Variants in GPC5 observed in about 807,000 individuals in gnomAD.
The protein encoded by GPC5 is glypican 5, also known as glypican-5.
In GPC5, 47 loss-of-function variants were observed where a neutral mutation model predicts 53.9. That is an observed-to-expected ratio of 0.87 (90% CI 0.69 to 1.11). The LOEUF is 1.11. Among genes scored for constraint, GPC5 ranks in the 50% most tolerant of loss-of-function variants. GPC5 has a pLI of 0.00. For synonymous variants in GPC5, 286 were observed against 263.3 expected (o/e 1.09, Z -0.84); for missense variants, 748 against 713.1 (o/e 1.05, Z -0.56).
chr13:92,622,774 C>T (rs1044374501), intron 7 of GPC5, among the ~76,000 whole-genome samples: 6 of 152,086 alleles, frequency 3.9e-5, no homozygotes, highest in African/African-American at 9.7e-5. Flanking sequence ...TTTAAAAAAT[C>T]ATCATCAGTG....
chr13:91,673,937 T>C (rs1489904377), intron 2 of GPC5, among the ~76,000 whole-genome samples: 8 of 152,200 alleles, frequency 5.3e-5, no homozygotes, highest in Non-Finnish European at 1.0e-4. Flanking sequence ...TTTCCATTAT[T>C]GCATTGACTT....
At chr13:92,397,103 C>T (rs1875317556) in intron 7 of GPC5, among the ~76,000 whole-genome samples, 1 of 152,198 alleles carries the variant, frequency 6.6e-6, no homozygotes, top group Non-Finnish European at 1.5e-5. Flanking sequence ...AGGAGTTTCT[C>T]ACTGTTAACA....
intron 6 of GPC5, among the ~76,000 whole-genome samples, chr13:91,992,614 T>A (rs2040467272): frequency 6.6e-6 from 1 of 152,096 alleles, no homozygotes; most frequent in African/African-American, 2.4e-5. Context: ...TCAGCCACCA[T>A]GCCTGGCTAA....
intron 2 of GPC5, among the ~76,000 whole-genome samples, chr13:91,538,041 TATAAAC>T (rs1886668636): frequency 6.6e-6 from 1 of 152,234 alleles, no homozygotes; most frequent in Non-Finnish European, 1.5e-5. Context: ...AATATTCAGT[TATAAAC>T]AGAAATGAAA....
intron 2 of GPC5, among the ~76,000 whole-genome samples, chr13:91,621,826 G>T (rs1169018447): frequency 7.1e-6 from 1 of 141,570 alleles, no homozygotes; most frequent in Non-Finnish European, 1.5e-5. Context: ...TGACTGACAC[G>T]ATCTCAGGGT....
chr13:92,438,382 AAATATATAT>A (rs1877406729), intron 7 of GPC5, among the ~76,000 whole-genome samples: 2 of 18,086 alleles, frequency 1.1e-4, no homozygotes, highest in East Asian at 5.5e-3. Flanking sequence ...AAAGCAAAAT[AAATATATAT>A]ATATATATAT....
At chr13:91,478,379 T>A (rs938704782) in intron 2 of GPC5, among the ~76,000 whole-genome samples, 6 of 152,090 alleles carry the variant, frequency 3.9e-5, no homozygotes, top group Admixed American at 3.9e-4. Context: ...TTTCTTTGAG[T>A]TTCTCATCTT....
intron 7 of GPC5, among the ~76,000 whole-genome samples, chr13:92,394,480 C>G (rs902605994): frequency 5.9e-5 from 9 of 152,178 alleles, no homozygotes; most frequent in Non-Finnish European, 8.8e-5. Flanking sequence ...CATGGAAGGA[C>G]AAAACAAGAA....
At chr13:91,483,971 A>G (rs1883449566) in intron 2 of GPC5, among the ~76,000 whole-genome samples, 1 of 152,224 alleles carries the variant, frequency 6.6e-6, no homozygotes, top group Admixed American at 6.5e-5. Flanking sequence ...TCAATTTATC[A>G]TTAATATTAC....
intron 6 of GPC5, among the ~76,000 whole-genome samples, chr13:91,930,891 A>G (rs954212533): frequency 3.3e-5 from 5 of 152,080 alleles, no homozygotes; most frequent in Non-Finnish European, 7.4e-5. Context: ...GTGTTGACTA[A>G]TAGTCTACAT....
At chr13:92,651,040 T>C (rs1566342766) in intron 7 of GPC5, among the ~76,000 whole-genome samples, 2 of 152,198 alleles carry the variant, frequency 1.3e-5, no homozygotes, top group Non-Finnish European at 2.9e-5. Context: ...CTGAGGATGA[T>C]GGCTTCCAGC....
At chr13:92,668,373 GAAAGTACCAAC>G (rs1447869779) in intron 7 of GPC5, among the ~76,000 whole-genome samples, 1 of 152,128 alleles carries the variant, frequency 6.6e-6, no homozygotes, top group Non-Finnish European at 1.5e-5. Flanking sequence ...GGAGGGCAGA[GAAAGTACCAAC>G]AATCTGCATT....
At chr13:91,760,717 A>G (rs761165289) in intron 5 of GPC5, among the ~76,000 whole-genome samples, 2 of 152,202 alleles carry the variant, frequency 1.3e-5, no homozygotes, top group Non-Finnish European at 2.9e-5. Context: ...GGAGAGCCAT[A>G]CAGACTATTT....
At chr13:92,395,444 A>G (rs1461132191) in intron 7 of GPC5, among the ~76,000 whole-genome samples, 1 of 151,990 alleles carries the variant, frequency 6.6e-6, no homozygotes, top group African/African-American at 2.4e-5. Flanking sequence ...CCTTATCCCT[A>G]TGCTATAGTT....
intron 6 of GPC5, among the ~76,000 whole-genome samples, chr13:91,985,820 A>T (rs1361992245): frequency 6.6e-6 from 1 of 152,140 alleles, no homozygotes; most frequent in Non-Finnish European, 1.5e-5. Flanking sequence ...CAATGACTAA[A>T]ACAACACCAC....
intron 6 of GPC5, among the ~76,000 whole-genome samples, chr13:91,946,442 C>G (rs1468892831): frequency 6.6e-6 from 1 of 152,090 alleles, no homozygotes; most frequent in African/African-American, 2.4e-5. Context: ...AGGTTTTACT[C>G]TCTAACATAA....
At chr13:91,860,416 C>T (rs1055340605) in intron 5 of GPC5, among the ~76,000 whole-genome samples, 2 of 150,324 alleles carry the variant, frequency 1.3e-5, no homozygotes, top group Non-Finnish European at 3.0e-5. Context: ...TCTTTTATGG[C>T]CGAATAGTAC....
intron 7 of GPC5, among the ~76,000 whole-genome samples, chr13:92,291,769 G>T (rs1369864764): frequency 3.3e-5 from 5 of 152,186 alleles, no homozygotes; most frequent in Admixed American, 6.5e-5. Flanking sequence ...AAGGTCTGTA[G>T]CTTCACTCCT....
chr13:92,640,666 C>T (rs1885565933), intron 7 of GPC5, among the ~76,000 whole-genome samples: 1 of 152,072 alleles, frequency 6.6e-6, no homozygotes, highest in African/African-American at 2.4e-5. Context: ...ATCTGGAACA[C>T]CTTTTTGTGC....
Sources: gnomAD v4.1 joint callset for allele counts (sites outside exome capture counted in the v4.1 genomes callset) on GRCh38, gnomAD v4.1.1 for gene constraint, MANE v1.5 for transcripts, NCBI Gene and HGNC (gene_info 2026-07-23, HGNC 2026-07-21) for gene names.